The following TOGARAM1 variants were observed in gnomAD, a reference collection of about 807,000 sequenced individuals.
TOGARAM1 encodes TOG array regulator of axonemal microtubules 1, also known as TOG array regulator of axonemal microtubules protein 1.
TOGARAM1 carries 100 observed loss-of-function variants against 166.6 expected under a neutral mutation model. The ratio of observed to expected loss-of-function variants is 0.60; its 90% CI spans 0.51 to 0.71. The LOEUF is 0.71. Ranked by LOEUF, TOGARAM1 falls within the 30% of genes least tolerant of loss-of-function variation. TOGARAM1 has a pLI of 0.00. For missense variants in TOGARAM1, 2,029 were observed against 2,102.7 expected (o/e 0.96, Z 0.69); for synonymous variants, 758 against 763.8 (o/e 0.99, Z 0.13).
intron 1 of TOGARAM1, among the ~76,000 whole-genome samples, chr14:44,968,063 A>G (rs1365722232): frequency 1.2e-4 from 19 of 152,196 alleles, no homozygotes; most frequent in South Asian, 2.1e-4. Flanking sequence ...AAATGCCAGC[A>G]TAGACATATT....
At chr14:45,057,851 T>TGG (rs1882714228) in intron 16 of TOGARAM1, among the ~76,000 whole-genome samples, 1 of 152,226 alleles carries the variant, frequency 6.6e-6, no homozygotes. Context: ...ACTTATTATG[T>TGG]GACCTAATAT....
chr14:45,006,327 C>G, intron 5 of TOGARAM1, 60 bp downstream of exon 5: 3 of 1,234,482 alleles, frequency 2.4e-6, no homozygotes, highest in Non-Finnish European at 3.3e-6. Context: ...AATATAGTTG[C>G]TATTTAAGGA....
chr14:45,073,705 C>A lies in TOGARAM1; in HGVS notation c.*144C>A. On this transcript the variant is annotated 3_prime_UTR_variant, in exon 20 of 20. Coordinates refer to ENST00000361462, the MANE Select transcript of TOGARAM1 (RefSeq NM_001308120.2). ...TTTTTATTTGCAGCCTATGAGTACA[C>A]ATCTGTCCTATATCAACCTTACCAC... 1 of 700,520 alleles carries A rather than the reference C, an allele frequency of 1.4e-6. No individual in the cohort carries two copies. 43.4% of individuals were successfully genotyped at this position (700,520 alleles called of 1,614,324 possible).
At chr14:44,968,697 T>C (rs767244879) in intron 1 of TOGARAM1, among the ~76,000 whole-genome samples, 15 of 152,230 alleles carry the variant, frequency 9.9e-5, no homozygotes, top group Non-Finnish European at 1.9e-4. Flanking sequence ...AGTGAACCCA[T>C]ATTAACATAT....
intron 7 of TOGARAM1, among the ~76,000 whole-genome samples, chr14:45,017,343 T>C (rs1880207234): frequency 6.6e-6 from 1 of 151,884 alleles, no homozygotes; most frequent in Non-Finnish European, 1.5e-5. Flanking sequence ...CTCATGAGGT[T>C]AAACACTAGG....
At chr14:45,030,681 G>A (rs565255218) in intron 10 of TOGARAM1, among the ~76,000 whole-genome samples, 14 of 152,144 alleles carry the variant, frequency 9.2e-5, no homozygotes, top group African/African-American at 2.9e-4. Flanking sequence ...AACTGGTACT[G>A]ATTTATCACT....
Position 45,006,027 on chromosome 14 carries a change from A to G in TOGARAM1, c.2664A>G (p.Lys888=), listed in dbSNP as rs1887935876. The G allele has an allele frequency of 6.5e-7, 1 of 1,543,864 alleles. No individual in the cohort carries two copies. Among genetic ancestry groups the G allele is most frequent in the Non-Finnish European group, 8.7e-7 (1 of 1,146,602 alleles). The part of the protein sequence containing the change: ...GRNHGENSQE[K]PPVQLTPALV... ...ATGCAGGAGAAAATTCTCAAGAAAAACCTCCAGTTCAGCTTACACCTGCCT... is the reference window on the plus strand; with the variant it reads ...ATGCAGGAGAAAATTCTCAAGAAAAGCCTCCAGTTCAGCTTACACCTGCCT... The change falls in exon 5 of 20, where the codon AAA becomes AAG. Residue 888 remains lysine, a synonymous_variant. Transcript: ENST00000361462.
chr14:45,069,125 T>C (rs1391911327), intron 18 of TOGARAM1, among the ~76,000 whole-genome samples: 1 of 152,014 alleles, frequency 6.6e-6, no homozygotes, highest in African/African-American at 2.4e-5. Context: ...CCCTTTGGGG[T>C]TGATCTGCCA....
At chr14:45,010,586 T>C (rs1879729823) in intron 6 of TOGARAM1, among the ~76,000 whole-genome samples, 1 of 152,210 alleles carries the variant, frequency 6.6e-6, no homozygotes, top group Non-Finnish European at 1.5e-5. Flanking sequence ...GTCCTGTATT[T>C]TCTCACTGAG....
rs553135032 is a variant in TOGARAM1 at position 44,977,716 on chromosome 14, G to C, written c.2046+13249G>C. ...TGCAGTCGTATGAGCTGCACTTGCA[G>C]CTCACTGCAACTTCCACCTCCCAGG... On this transcript the variant is annotated intron_variant, in intron 1 of 19. Coordinates refer to ENST00000361462, the MANE Select transcript of TOGARAM1 (RefSeq NM_001308120.2). Among the ~76,000 whole-genome samples, 7 of 152,028 alleles carry C rather than the reference G, an allele frequency of 4.6e-5. No homozygotes were observed. In the South Asian group the frequency reaches 1.2e-3, roughly 27 times the overall value.
At position 44,963,115 on chromosome 14, in the gene TOGARAM1, G is replaced by A. The variant is rs373487359; in HGVS notation, c.694G>A (p.Ala232Thr). Reference protein sequence around the residue: ...GLESTDARLRASTALLLPILL... With the variant: ...GLESTDARLRTSTALLLPILL... ...GGAAAGTACCGATGCCCGACTTAGA[G>A]CTTCCACAGCACTACTGCTTCCCAT... The change falls in exon 1 of 20, where the codon GCT (alanine) becomes ACT (threonine). Residue 232 changes from alanine (A) to threonine (T), a missense_variant. Ala to Thr is a moderately conservative substitution (Grantham distance 58). This residue lies in a region of TOGARAM1 where 1,453 missense variants were observed against 1,432.2 expected (regional missense o/e 1.01). Transcript: ENST00000361462. The A allele has an allele frequency of 3.1e-6, 5 of 1,614,178 alleles. No individual in the cohort carries two copies. Among genetic ancestry groups the A allele is most frequent in the Admixed American group, 1.7e-5 (1 of 60,018 alleles).
chr14:45,002,670 C>T (rs1323255271), intron 3 of TOGARAM1, among the ~76,000 whole-genome samples: 1 of 152,142 alleles, frequency 6.6e-6, no homozygotes, highest in Non-Finnish European at 1.5e-5. Flanking sequence ...TGTTTGATTT[C>T]TTCATAAGAA....
At chr14:44,976,525 T>C (rs566477271) in intron 1 of TOGARAM1, among the ~76,000 whole-genome samples, 3 of 152,250 alleles carry the variant, frequency 2.0e-5, no homozygotes, top group Non-Finnish European at 2.9e-5. Flanking sequence ...AATCTTAGTA[T>C]CCAGTATCTT....
intron 12 of TOGARAM1, among the ~76,000 whole-genome samples, chr14:45,044,249 A>G (rs1881867890): frequency 6.6e-6 from 1 of 152,100 alleles, no homozygotes; most frequent in Non-Finnish European, 1.5e-5. Flanking sequence ...ACCTCAGGTG[A>G]TCCACCCACC....
chr14:45,035,891 T>G (rs1397989620), intron 11 of TOGARAM1, among the ~76,000 whole-genome samples: 17 of 150,182 alleles, frequency 1.1e-4, no homozygotes. Flanking sequence ...CCAGGAAGAT[T>G]GCTTGAGCCC....
intron 4 of TOGARAM1, 90 bp downstream of exon 4, chr14:45,004,456 T>TA: frequency 1.0e-6 from 1 of 955,622 alleles, no homozygotes; most frequent in South Asian, 1.8e-5. Context: ...TAAAAGCTAG[T>TA]AAACTACATT....
At chr14:45,069,901 G>A (rs1444804458) in intron 18 of TOGARAM1, among the ~76,000 whole-genome samples, 6 of 151,902 alleles carry the variant, frequency 3.9e-5, no homozygotes, top group Non-Finnish European at 7.4e-5. Flanking sequence ...AAGATTATTC[G>A]GCCAGGCACA....
At chr14:44,969,133 C>CCTTA (rs1443299565) in intron 1 of TOGARAM1, among the ~76,000 whole-genome samples, 2 of 140,458 alleles carry the variant, frequency 1.4e-5, no homozygotes, top group Non-Finnish European at 3.0e-5. Flanking sequence ...TTCCTTCCTT[C>CCTTA]CTTCCTTCCT....
intron 1 of TOGARAM1, among the ~76,000 whole-genome samples, chr14:44,990,400 A>G (rs530744505): frequency 1.3e-5 from 2 of 152,342 alleles, no homozygotes; most frequent in East Asian, 3.9e-4. Flanking sequence ...AGTCACTTAT[A>G]TGAGGAAAGT....
Sources: gnomAD v4.1 joint callset for allele counts (sites outside exome capture counted in the v4.1 genomes callset) on GRCh38, gnomAD v4.1.1 for gene constraint, gnomAD v4.1.1 regional missense constraint, MANE v1.5 for transcripts, NCBI Gene and HGNC (gene_info 2026-07-23, HGNC 2026-07-21) for gene names.